Variants in EXOC4 observed in about 807,000 individuals in gnomAD.
The protein encoded by EXOC4 is exocyst complex component 4.
In EXOC4, 71 loss-of-function variants were observed where a neutral mutation model predicts 107.2. The ratio of observed to expected loss-of-function variants is 0.66; its 90% CI spans 0.55 to 0.81. The LOEUF is 0.81. Ranked by LOEUF, EXOC4 falls within the 30% of genes least tolerant of loss-of-function variation. EXOC4 has a pLI of 0.00. For missense variants in EXOC4, 1,108 were observed against 1,189.6 expected (o/e 0.93, Z 1.01); for synonymous variants, 456 against 441.2 (o/e 1.03, Z -0.42).
chr7:133,353,855 T>C (rs1380305533), intron 5 of EXOC4, among the ~76,000 whole-genome samples: 1 of 152,046 alleles, frequency 6.6e-6, no homozygotes, highest in African/African-American at 2.4e-5. Context: ...TGTCCTATCT[T>C]GACGTTTGCT....
chr7:133,747,924 A>C (rs1163423519), intron 10 of EXOC4, among the ~76,000 whole-genome samples: 18 of 152,192 alleles, frequency 1.2e-4, no homozygotes, highest in Non-Finnish European at 2.1e-4. Flanking sequence ...ACATAATTGC[A>C]ACATCTACAT....
At chr7:133,914,803 TAGC>T (rs1200892125) in intron 12 of EXOC4, among the ~76,000 whole-genome samples, 1 of 152,114 alleles carries the variant, frequency 6.6e-6, no homozygotes, top group African/African-American at 2.4e-5. Flanking sequence ...CAGAACAAAG[TAGC>T]AGACCACATG....
intron 10 of EXOC4, among the ~76,000 whole-genome samples, chr7:133,689,092 C>T (rs543443734): frequency 2.6e-5 from 4 of 152,268 alleles, no homozygotes; most frequent in Non-Finnish European, 5.9e-5. Context: ...GAATAACCAA[C>T]ACACCCAGCA....
At chr7:133,396,128 A>T (rs532396948) in intron 7 of EXOC4, 2 of 152,230 alleles carry the variant, frequency 1.3e-5, no homozygotes, top group East Asian at 3.9e-4. Flanking sequence ...TGTATCCCAG[A>T]TCTCCTGATT....
chr7:133,799,186 T>A (rs1796879702), intron 10 of EXOC4, among the ~76,000 whole-genome samples: 1 of 152,202 alleles, frequency 6.6e-6, no homozygotes, highest in South Asian at 2.1e-4. Flanking sequence ...TTCCTCCAAT[T>A]TTATACCCCT....
At chr7:133,942,827 C>A (rs537195840) in intron 14 of EXOC4, among the ~76,000 whole-genome samples, 3 of 152,286 alleles carry the variant, frequency 2.0e-5, no homozygotes, top group East Asian at 1.9e-4. Context: ...AGAATTTCTA[C>A]ACCTAAATAT....
chr7:133,631,950 C>T (rs1268400688), intron 10 of EXOC4, among the ~76,000 whole-genome samples: 3 of 152,000 alleles, frequency 2.0e-5, no homozygotes, highest in African/African-American at 7.2e-5. Flanking sequence ...CATTTATTCC[C>T]AAGTAGAAAA....
intron 17 of EXOC4, among the ~76,000 whole-genome samples, chr7:134,025,886 A>G (rs1431776799): frequency 2.0e-5 from 3 of 152,308 alleles, no homozygotes; most frequent in Non-Finnish European, 4.4e-5. Flanking sequence ...GATTTAATGT[A>G]GGAGAGGACT....
chr7:133,856,443 G>C (rs1014292583), intron 11 of EXOC4, among the ~76,000 whole-genome samples: 5 of 152,170 alleles, frequency 3.3e-5, no homozygotes, highest in African/African-American at 9.7e-5. Flanking sequence ...CACATTTTTT[G>C]TAATTGCCTG....
intron 7 of EXOC4, among the ~76,000 whole-genome samples, chr7:133,433,856 A>G (rs561492054): frequency 1.3e-5 from 2 of 152,312 alleles, no homozygotes; most frequent in East Asian, 3.9e-4. Context: ...GACCCTGGCT[A>G]TCTCCACAAA....
intron 8 of EXOC4, among the ~76,000 whole-genome samples, chr7:133,478,611 C>T (rs1287161485): frequency 6.6e-6 from 1 of 152,130 alleles, no homozygotes; most frequent in East Asian, 1.9e-4. Context: ...ACCAAAAATA[C>T]ATCAAGTCAT....
At chr7:133,736,116 A>G (rs1270731921) in intron 10 of EXOC4, among the ~76,000 whole-genome samples, 2 of 151,992 alleles carry the variant, frequency 1.3e-5, no homozygotes, top group Non-Finnish European at 1.5e-5. Flanking sequence ...TATTTTCTCT[A>G]TGTCCACTGA....
At chr7:133,724,999 G>A (rs1795184808) in intron 10 of EXOC4, among the ~76,000 whole-genome samples, 1 of 152,166 alleles carries the variant, frequency 6.6e-6, no homozygotes, top group African/African-American at 2.4e-5. Context: ...AAGGTTTAGC[G>A]AAGTACAGGA....
At chr7:133,385,516 G>A (rs565140501) in intron 7 of EXOC4, among the ~76,000 whole-genome samples, 41 of 152,276 alleles carry the variant, frequency 2.7e-4, no homozygotes, top group African/African-American at 7.9e-4. Context: ...GATACATTTA[G>A]GAAAATACAA....
At chr7:133,787,955 T>A (rs10247145) in intron 10 of EXOC4, among the ~76,000 whole-genome samples, 12 of 31,636 alleles carry the variant, frequency 3.8e-4, no homozygotes, top group Admixed American at 1.0e-3. Flanking sequence ...GTGCATATAT[T>A]TATATATTTA....
intron 10 of EXOC4, among the ~76,000 whole-genome samples, chr7:133,803,630 A>G (rs1797000887): frequency 6.6e-6 from 1 of 152,192 alleles, no homozygotes; most frequent in Non-Finnish European, 1.5e-5. Context: ...TTTAATGTCT[A>G]TACAACTGAT....
intron 10 of EXOC4, among the ~76,000 whole-genome samples, chr7:133,634,559 G>A (rs142275917): frequency 9.2e-5 from 14 of 151,766 alleles, no homozygotes; most frequent in East Asian, 5.8e-4. Context: ...GTGCAATCTC[G>A]GCTCACTGCA....
At position 133,343,835 on chromosome 7, in the gene EXOC4, A is replaced by AT. The variant is rs769252468; in HGVS notation, c.764-12482dup. ...TAATAATTTATTATTTATCTTTGAG[A>AT]TTTTTTTTTTTTTGGTTATCCAGGC... On this transcript the variant is annotated intron_variant, in intron 5 of 17. Coordinates refer to ENST00000253861, the MANE Select transcript of EXOC4 (RefSeq NM_021807.4). Among the ~76,000 whole-genome samples the AT allele has an allele frequency of 1.4e-3, 196 of 143,566 alleles. 1 individual carries two copies. Among genetic ancestry groups the AT allele is most frequent in the Middle Eastern group, 7.3e-3 (2 of 274 alleles). 94.2% of individuals were successfully genotyped at this position (143,566 alleles called of 152,430 possible).
intron 14 of EXOC4, among the ~76,000 whole-genome samples, chr7:133,941,780 AG>A (rs1381639626): frequency 1.3e-5 from 2 of 149,416 alleles, no homozygotes; most frequent in Non-Finnish European, 3.0e-5. Flanking sequence ...CTGGATCCAG[AG>A]GTTCCCAAAA....
Sources: gnomAD v4.1 joint callset for allele counts (sites outside exome capture counted in the v4.1 genomes callset) on GRCh38, gnomAD v4.1.1 for gene constraint, MANE v1.5 for transcripts, NCBI Gene and HGNC (gene_info 2026-07-23, HGNC 2026-07-21) for gene names.